The following SEPTIN9 variants were observed in gnomAD, a reference collection of about 807,000 sequenced individuals.
The protein encoded by SEPTIN9 is septin-9.
Under a neutral mutation model 56.6 loss-of-function variants are expected in SEPTIN9, and 13 were observed. That is an observed-to-expected ratio of 0.23 (90% CI 0.15 to 0.37). The LOEUF is 0.37. Ranked by LOEUF, SEPTIN9 falls within the 10% of genes least tolerant of loss-of-function variation. The pLI, the probability that SEPTIN9 is intolerant of heterozygous loss-of-function variation, is 1.00. For synonymous variants in SEPTIN9, 332 were observed against 334.1 expected, an observed-to-expected ratio of 0.99 and a Z score of 0.07; for missense variants, 650 against 823.1, an observed-to-expected ratio of 0.79 and a Z score of 2.57.
chr17:77,379,543 G>A (rs2035065720), intron 2 of SEPTIN9, among the ~76,000 whole-genome samples: 1 of 152,144 alleles, frequency 6.6e-6, no homozygotes, highest in Non-Finnish European at 1.5e-5. Context: ...CCTGGTGCCG[G>A]GAGAGCAGAA....
intron 2 of SEPTIN9, among the ~76,000 whole-genome samples, chr17:77,356,434 T>C (rs560075727): frequency 2.6e-5 from 4 of 151,846 alleles, no homozygotes; most frequent in Admixed American, 1.3e-4. Context: ...GTGAACTGCC[T>C]GGGAGCCTTG....
chr17:77,485,036 G>T (rs1178079910), intron 4 of SEPTIN9, among the ~76,000 whole-genome samples: 1 of 93,482 alleles, frequency 1.1e-5, no homozygotes, highest in Non-Finnish European at 2.2e-5. Flanking sequence ...GGTGGTGAAG[G>T]GGGTGATGGT....
intron 2 of SEPTIN9, among the ~76,000 whole-genome samples, chr17:77,357,213 A>G (rs2034283819): frequency 6.6e-6 from 1 of 152,154 alleles, no homozygotes; most frequent in South Asian, 2.1e-4. Context: ...TTGAAGACAC[A>G]TGCGCTCATT....
chr17:77,325,398 G>T lies in SEPTIN9; in HGVS notation c.76+18201G>T, dbSNP rs542019760. Among the ~76,000 whole-genome samples, 475 of 152,320 alleles carry T rather than the reference G, an allele frequency of 3.1e-3. 4 individuals are homozygous for T. The highest frequency in any genetic ancestry group is 5.1e-3 in the Non-Finnish European group (348 of 68,024). ...TCTTTTCTCACGCCCAGCTGGTTCCGCTGGGTGGCGGGGAGGAGTGGGGAA... is the reference window on the plus strand; with the variant it reads ...TCTTTTCTCACGCCCAGCTGGTTCCTCTGGGTGGCGGGGAGGAGTGGGGAA... On this transcript the variant is annotated intron_variant, in intron 2 of 11. Coordinates refer to ENST00000427177, the MANE Select transcript of SEPTIN9 (RefSeq NM_001113491.2).
chr17:77,461,186 A>T (rs763559002), intron 3 of SEPTIN9, among the ~76,000 whole-genome samples: 17 of 152,092 alleles, frequency 1.1e-4, no homozygotes, highest in Non-Finnish European at 1.3e-4. Context: ...CGTGCCTGTA[A>T]TCCCAGTTAC....
rs922572702 is a variant in SEPTIN9, at chr17:77,453,497, C to T, written c.722-28647C>T. On this transcript the variant is annotated intron_variant, in intron 3 of 11. Coordinates refer to ENST00000427177, the MANE Select transcript of SEPTIN9 (RefSeq NM_001113491.2). The surrounding 1 kb of genome is among the most constrained non-coding windows in gnomAD (Gnocchi z 4.4). The stretch of plus-strand genomic sequence containing the variant: ...GCGCGTGCCTGTAATGGCAGCTACT[C>T]GGGAGGCTGAGACAGGAGAATCACT... 1.3e-5 allele frequency among the ~76,000 whole-genome samples: 2 copies of T among 151,282 alleles called. No homozygotes were observed. Among genetic ancestry groups the T allele is most frequent in the Non-Finnish European group, 2.9e-5 (2 of 67,946 alleles).
intron 2 of SEPTIN9, chr17:77,373,183 C>T: frequency 4.7e-6 from 5 of 1,074,546 alleles, no homozygotes; most frequent in African/African-American, 1.7e-5. Flanking sequence ...CCACTCGGGC[C>T]CCAGCCCCCC....
At chr17:77,407,429 A>G (rs746699767) in intron 3 of SEPTIN9, among the ~76,000 whole-genome samples, 1 of 151,520 alleles carries the variant, frequency 6.6e-6, no homozygotes, top group Non-Finnish European at 1.5e-5. Flanking sequence ...AGGCAGATGT[A>G]GTGACCCCCA....
At chr17:77,372,032 G>T (rs922217363) in intron 2 of SEPTIN9, among the ~76,000 whole-genome samples, 5 of 152,172 alleles carry the variant, frequency 3.3e-5, no homozygotes, top group African/African-American at 1.2e-4. Flanking sequence ...CAAGTGGGCA[G>T]CGAGCGACCT....
At chr17:77,384,093 C>T (rs555738040) in intron 2 of SEPTIN9, among the ~76,000 whole-genome samples, 25 of 152,270 alleles carry the variant, frequency 1.6e-4, no homozygotes, top group African/African-American at 4.3e-4. Context: ...AGGAAGGCGG[C>T]GGCTGCCCTG....
At chr17:77,289,824 C>A (rs565174363) in intron 1 of SEPTIN9, among the ~76,000 whole-genome samples, 3 of 152,276 alleles carry the variant, frequency 2.0e-5, no homozygotes, top group Admixed American at 2.0e-4. Context: ...TATTGCCAAA[C>A]AACATGAACA....
At chr17:77,392,448 C>T (rs2144041942) in intron 2 of SEPTIN9, among the ~76,000 whole-genome samples, 1 of 152,332 alleles carries the variant, frequency 6.6e-6, no homozygotes, top group African/African-American at 2.4e-5. Context: ...TTCTTTTCCT[C>T]CTTGTCCAGA....
At chr17:77,298,339 T>G (rs867967187) in intron 1 of SEPTIN9, among the ~76,000 whole-genome samples, 16 of 152,206 alleles carry the variant, frequency 1.1e-4, no homozygotes, top group Admixed American at 2.0e-4. Flanking sequence ...ACCAGGTCAA[T>G]GTAGTGAGAG....
At chr17:77,438,598 A>G (rs2037437542) in intron 3 of SEPTIN9, among the ~76,000 whole-genome samples, 1 of 152,210 alleles carries the variant, frequency 6.6e-6, no homozygotes, top group South Asian at 2.1e-4. Context: ...GAGGCTTGGA[A>G]GGAGGAAGGA....
chr17:77,283,248 G>A (rs534361782), intron 1 of SEPTIN9, among the ~76,000 whole-genome samples: 1 of 149,366 alleles, frequency 6.7e-6, no homozygotes, highest in East Asian at 2.0e-4. Context: ...ACCAACTCTT[G>A]TACAGCAGCC....
In SEPTIN9 at chr17:77,317,061, A is replaced by G. The variant is rs1295440708; in HGVS notation, c.76+9864A>G. ...GGTTGTTAGTGGTTGGCTTAACACAATGTTTTAGGAAGAAATAGAATAACA... is the reference window on the plus strand; with the variant it reads ...GGTTGTTAGTGGTTGGCTTAACACAGTGTTTTAGGAAGAAATAGAATAACA... On this transcript the variant is annotated intron_variant, in intron 2 of 11. Transcript: ENST00000427177. The surrounding 1 kb of genome is among the most constrained non-coding windows in gnomAD (Gnocchi z 4.2). Among the ~76,000 whole-genome samples, 4 of 152,166 alleles carry G rather than the reference A, an allele frequency of 2.6e-5. No homozygotes were observed. Among genetic ancestry groups the G allele is most frequent in the African/African-American group, 9.7e-5 (4 of 41,428 alleles).
Position 77,319,981 on chromosome 17 carries a change from GGCAGACCCGGTGGTCT to G in SEPTIN9, c.76+12787_76+12802del. The G allele has an allele frequency of 8.2e-7, 1 of 1,222,918 alleles. No individual in the cohort carries two copies. Among genetic ancestry groups the G allele is most frequent in the Non-Finnish European group, 1.0e-6 (1 of 975,634 alleles). 75.8% of individuals were successfully genotyped at this position (1,222,918 alleles called of 1,614,324 possible). On this transcript the variant is annotated intron_variant, in intron 2 of 11. Transcript: ENST00000427177. This position sits in a 1 kb window ranked among gnomAD's most constrained non-coding sequence, Gnocchi z 5.3. ...CGGCCGGGACTCTGGGACTCTCGCAGGCAGACCCGGTGGTCTGCCGGACTCCTCGGGGCCCACTTCG... is the reference window on the plus strand; with the variant it reads ...CGGCCGGGACTCTGGGACTCTCGCAGGCCGGACTCCTCGGGGCCCACTTCG...
chr17:77,365,783 G>C (rs1323235652), intron 2 of SEPTIN9, among the ~76,000 whole-genome samples: 1 of 152,230 alleles, frequency 6.6e-6, no homozygotes, highest in East Asian at 1.9e-4. Context: ...GCGGTCCACA[G>C]AGGGCCAGCA....
intron 2 of SEPTIN9, among the ~76,000 whole-genome samples, chr17:77,332,843 A>G (rs1227755823): frequency 1.3e-5 from 2 of 152,182 alleles, no homozygotes; most frequent in Admixed American, 6.5e-5. Flanking sequence ...CTGTGTGAAC[A>G]TTCTGTGGGT....
Sources: allele counts gnomAD v4.1 joint callset (sites outside exome capture counted in the v4.1 genomes callset), GRCh38; gene constraint gnomAD v4.1.1; non-coding constraint Gnocchi (gnomAD v3.1); transcripts MANE v1.5; gene names NCBI Gene and HGNC (gene_info 2026-07-23, HGNC 2026-07-21).